STK32A: variants seen among roughly 807,000 people sequenced by gnomAD.
STK32A encodes the protein serine/threonine kinase 32A.
STK32A carries 41 observed loss-of-function variants against 53.2 expected under a neutral mutation model. That is an observed-to-expected ratio of 0.77 (90% confidence interval 0.60 to 1.00). STK32A has a LOEUF of 1.00. Among genes scored for constraint, STK32A ranks in the 50% least tolerant of loss-of-function variants. The pLI, the probability that STK32A is intolerant of heterozygous loss-of-function variation, is 0.00. For missense variants in STK32A, 458 were observed against 485.8 expected (o/e 0.94, Z 0.54); for synonymous variants, 166 against 162.8 (o/e 1.02, Z -0.15).
At chr5:147,360,313 T>G (rs1427722916) in intron 7 of STK32A, among the ~76,000 whole-genome samples, 6 of 151,640 alleles carry the variant, frequency 4.0e-5, no homozygotes, top group Non-Finnish European at 4.4e-5. Context: ...TTACCAAATG[T>G]GGTGGTACCC....
intron 5 of STK32A, among the ~76,000 whole-genome samples, chr5:147,326,168 T>C (rs1754577554): frequency 6.6e-6 from 1 of 152,234 alleles, no homozygotes; most frequent in African/African-American, 2.4e-5. Flanking sequence ...ATACTGTTTT[T>C]CTGTTCTTTC....
At chr5:147,344,216 T>C (rs148863182) in intron 6 of STK32A, among the ~76,000 whole-genome samples, 2 of 152,346 alleles carry the variant, frequency 1.3e-5, no homozygotes, top group African/African-American at 4.8e-5. Context: ...CTATTGCTCA[T>C]TATTTATTTA....
chr5:147,396,807 T>C, the STK32A span, among the ~76,000 whole-genome samples: 3 of 151,328 alleles, frequency 2.0e-5, no homozygotes, highest in Admixed American at 2.0e-4. Flanking sequence ...AATCCTAGGG[T>C]AGGGCTAATA....
At chr5:147,394,692 A>C in the STK32A span, among the ~76,000 whole-genome samples, 8 of 152,070 alleles carry the variant, frequency 5.3e-5, no homozygotes, top group Non-Finnish European at 7.4e-5. Flanking sequence ...CAAAAAAAAA[A>C]AGGCAAAAAC....
At chr5:147,335,259 G>C (rs946023247) in intron 5 of STK32A, among the ~76,000 whole-genome samples, 3 of 152,268 alleles carry the variant, frequency 2.0e-5, no homozygotes, top group Non-Finnish European at 2.9e-5. Context: ...AATGTGGAGG[G>C]CTGAGTCTCA....
rs77874656 is a variant in STK32A at position 147,324,948 on chromosome 5, C to T, written c.434+877C>T. The stretch of plus-strand genomic sequence containing the variant: ...AGTTTATTAAATCCTCAAAACTCAG[C>T]AAAGATTCCACATTTCATTATAATA... On this transcript the variant is annotated intron_variant, in intron 5 of 12. Transcript: ENST00000397936. Among the ~76,000 whole-genome samples, 154 of 152,260 alleles carry T rather than the reference C, an allele frequency of 1.0e-3. 1 individual carries two copies. The East Asian group carries it at 0.028, about 28-fold the overall frequency.
intron 6 of STK32A, 90 bp downstream of exon 6, chr5:147,343,133 G>A (rs565531631): frequency 9.2e-6 from 13 of 1,409,654 alleles, no homozygotes; most frequent in Non-Finnish European, 1.3e-5. Flanking sequence ...ACATGAAAAA[G>A]GTATTTTGTT....
chr5:147,239,767 C>A, intron 2 of STK32A, 81 bp downstream of exon 2: 2 of 1,107,626 alleles, frequency 1.8e-6, no homozygotes, highest in Non-Finnish European at 2.7e-6. Flanking sequence ...ATAAGTTAAG[C>A]ATAAGCATGG....
chr5:147,346,132 C>T (rs896908195), intron 6 of STK32A, among the ~76,000 whole-genome samples: 1 of 152,166 alleles, frequency 6.6e-6, no homozygotes, highest in African/African-American at 2.4e-5. Context: ...TTCACCTCTC[C>T]CCAGCTCGTT....
At chr5:147,311,034 T>C (rs1284602849) in intron 4 of STK32A, among the ~76,000 whole-genome samples, 1 of 152,184 alleles carries the variant, frequency 6.6e-6, no homozygotes, top group Admixed American at 6.5e-5. Flanking sequence ...GTTATATGAT[T>C]TTTAAAAATC....
At chr5:147,319,622 G>A (rs1007973350) in intron 4 of STK32A, among the ~76,000 whole-genome samples, 6 of 152,180 alleles carry the variant, frequency 3.9e-5, no homozygotes, top group Non-Finnish European at 5.9e-5. Context: ...AGAAAAATAT[G>A]ATGGGTCATT....
intron 4 of STK32A, among the ~76,000 whole-genome samples, chr5:147,313,063 C>CAAAA (rs71583952): frequency 6.4e-5 from 5 of 78,658 alleles, no homozygotes; most frequent in African/African-American, 9.9e-5. Flanking sequence ...CTCATCTCTA[C>CAAAA]AAAAAAAAAA....
Position 147,384,173 on chromosome 5 carries a change from A to T in STK32A, c.*190A>T. The stretch of plus-strand genomic sequence containing the variant: ...CTGAGCTCCTGGGATGTCATTTCAC[A>T]TCAATCAACTGTGTGATCTAGAGCA... On this transcript the variant is annotated 3_prime_UTR_variant, in exon 13 of 13. Transcript: ENST00000397936. 7.0e-7 allele frequency: 1 copy of T among 1,438,820 alleles called. No homozygotes were observed. Among genetic ancestry groups the T allele is most frequent in the Non-Finnish European group, 9.0e-7 (1 of 1,109,298 alleles). The allele number at this position is 1,438,820 out of a possible 1,614,324, so 89.1% of individuals were successfully genotyped here.
At chr5:147,254,828 T>C (rs1333218368) in intron 2 of STK32A, among the ~76,000 whole-genome samples, 6 of 152,064 alleles carry the variant, frequency 3.9e-5, no homozygotes, top group Admixed American at 2.0e-4. Context: ...GGTTGCTTTA[T>C]GAGGAAGTTA....
At chr5:147,253,398 A>G (rs140608340) in intron 2 of STK32A, among the ~76,000 whole-genome samples, 66 of 152,348 alleles carry the variant, frequency 4.3e-4, no homozygotes, top group African/African-American at 1.5e-3. Flanking sequence ...TTTAGGTAGG[A>G]TTAATTTTCA....
At chr5:147,311,220 T>C (rs1053660017) in intron 4 of STK32A, among the ~76,000 whole-genome samples, 15 of 152,216 alleles carry the variant, frequency 9.9e-5, no homozygotes, top group African/African-American at 3.4e-4. Context: ...TCACTTTTCT[T>C]TCACAATTCT....
chr5:147,326,190 T>A (rs1437511915), intron 5 of STK32A, among the ~76,000 whole-genome samples: 1 of 152,226 alleles, frequency 6.6e-6, no homozygotes, highest in Admixed American at 6.5e-5. Context: ...CTCTCTTTTT[T>A]TCTCACCGTT....
the STK32A span, among the ~76,000 whole-genome samples, chr5:147,398,089 T>C: frequency 6.6e-6 from 1 of 152,136 alleles, no homozygotes; most frequent in African/African-American, 2.4e-5. Context: ...GGAAGTCAAC[T>C]TTTGTCTTGG....
chr5:147,280,668 C>T lies in STK32A; in HGVS notation c.260+1270C>T, dbSNP rs556049319. 1.6e-4 allele frequency among the ~76,000 whole-genome samples: 25 copies of T among 151,750 alleles called. No individual in the cohort carries two copies. In the South Asian group the frequency reaches 4.6e-3, roughly 28 times the overall value. ...CCAAAGGAGTCTGAGCTCAGAGACA[C>T]CTAGCCCTGCCCCCACCTGATGGTC... On this transcript the variant is annotated intron_variant, in intron 4 of 12. Coordinates refer to ENST00000397936, the MANE Select transcript of STK32A (RefSeq NM_001112724.2).
Sources: gnomAD v4.1 joint callset for allele counts (sites outside exome capture counted in the v4.1 genomes callset) on GRCh38, gnomAD v4.1.1 for gene constraint, MANE v1.5 for transcripts, NCBI Gene and HGNC (gene_info 2026-07-23, HGNC 2026-07-21) for gene names.